Variants in CPNE4 observed in about 807,000 individuals in gnomAD.
The protein encoded by CPNE4 is copine 4, also known as copine-4.
A neutral mutation model predicts 67.9 loss-of-function variants in CPNE4; 25 were observed. The ratio of observed to expected loss-of-function variants is 0.37; its 90% CI spans 0.27 to 0.51. The LOEUF (loss-of-function observed/expected upper bound fraction) is 0.51. Among genes scored for constraint, CPNE4 ranks in the 20% least tolerant of loss-of-function variants. The pLI is 0.93. For synonymous variants in CPNE4, 242 were observed against 244.9 expected, an observed-to-expected ratio of 0.99 and a Z score of 0.11; for missense variants, 464 against 690.8, an observed-to-expected ratio of 0.67 and a Z score of 3.68.
At chr3:131,680,524 A>G (rs748367411) in intron 6 of CPNE4, among the ~76,000 whole-genome samples, 1 of 151,702 alleles carries the variant, frequency 6.6e-6, no homozygotes, top group South Asian at 2.1e-4. Context: ...TATTTTAATG[A>G]CTCTGTCTTG....
chr3:131,945,783 G>C (rs1036973266), intron 1 of CPNE4, among the ~76,000 whole-genome samples: 2 of 152,128 alleles, frequency 1.3e-5, no homozygotes, highest in Admixed American at 6.5e-5. Flanking sequence ...CACACACATA[G>C]AGAATATGAT....
intron 2 of CPNE4, among the ~76,000 whole-genome samples, chr3:131,852,832 GTTT>G (rs2086288391): frequency 6.6e-6 from 1 of 151,262 alleles, no homozygotes; most frequent in African/African-American, 2.4e-5. Flanking sequence ...TTGTATTTTT[GTTT>G]TTAATAATAA....
chr3:131,960,276 T>G (rs1210828565), intron 1 of CPNE4, among the ~76,000 whole-genome samples: 16 of 152,214 alleles, frequency 1.1e-4, no homozygotes, highest in Non-Finnish European at 2.2e-4. Flanking sequence ...TACTTTTCAA[T>G]CCACAGTTAA....
chr3:131,870,835 AGC>A (rs1463295548), intron 2 of CPNE4, among the ~76,000 whole-genome samples: 1 of 152,204 alleles, frequency 6.6e-6, no homozygotes, highest in Non-Finnish European at 1.5e-5. Flanking sequence ...ACGCACATAG[AGC>A]CACTGTCTGG....
At chr3:131,954,798 G>A (rs749328102) in intron 1 of CPNE4, among the ~76,000 whole-genome samples, 17 of 151,944 alleles carry the variant, frequency 1.1e-4, no homozygotes, top group African/African-American at 2.4e-4. Context: ...TTCCAGCTTC[G>A]TCCATGTCCC....
chr3:131,546,242 G>C (rs1935828927), intron 14 of CPNE4, among the ~76,000 whole-genome samples: 1 of 152,160 alleles, frequency 6.6e-6, no homozygotes, highest in East Asian at 1.9e-4. Context: ...AAAGGCACTA[G>C]GCTGTAGACT....
At chr3:132,000,159 A>G (rs553398912) in intron 1 of CPNE4, among the ~76,000 whole-genome samples, 1 of 152,102 alleles carries the variant, frequency 6.6e-6, no homozygotes, top group Admixed American at 6.6e-5. Flanking sequence ...ACAAGATAGG[A>G]TAGATAAAAA....
chr3:131,764,243 A>G (rs1045244621), intron 2 of CPNE4, among the ~76,000 whole-genome samples: 3 of 151,440 alleles, frequency 2.0e-5, no homozygotes, highest in Admixed American at 6.6e-5. Context: ...AGCAGGTTAT[A>G]AAATAGGATG....
chr3:131,905,259 C>G lies in CPNE4; in HGVS notation c.180+5G>C, dbSNP rs757359966. ...GGTTCTGTCCATTTCATTGGACATGCCTACCTCAAACCACTGCCCATGAGA... is the reference window on the plus strand; with the variant it reads ...GGTTCTGTCCATTTCATTGGACATGGCTACCTCAAACCACTGCCCATGAGA... On this transcript the variant is annotated splice_donor_5th_base_variant and intron_variant, in intron 2 of 15. Coordinates refer to ENST00000429747, the MANE Select transcript of CPNE4 (RefSeq NM_130808.3). The G allele has an allele frequency of 2.5e-6, 4 of 1,609,594 alleles. No homozygotes were observed. The highest frequency in any genetic ancestry group is 1.1e-5 in the South Asian group (1 of 90,472).
chr3:131,640,032 A>G (rs780238834), intron 7 of CPNE4, among the ~76,000 whole-genome samples: 1 of 152,202 alleles, frequency 6.6e-6, no homozygotes. Flanking sequence ...GCCATCTATG[A>G]CAAATCCACA....
At chr3:131,952,605 T>TC (rs1208540935) in intron 1 of CPNE4, among the ~76,000 whole-genome samples, 1 of 53,184 alleles carries the variant, frequency 1.9e-5, no homozygotes, top group African/African-American at 7.6e-5. Context: ...AGCCGCCCCG[T>TC]CCGGAGGGAG....
At chr3:131,867,548 A>G (rs1029111678) in intron 2 of CPNE4, among the ~76,000 whole-genome samples, 5 of 152,102 alleles carry the variant, frequency 3.3e-5, no homozygotes, top group South Asian at 2.1e-4. Flanking sequence ...TGAGAGGTCA[A>G]TTCGTCCAGC....
At chr3:131,760,929 A>T (rs1034598957) in intron 2 of CPNE4, among the ~76,000 whole-genome samples, 4 of 152,138 alleles carry the variant, frequency 2.6e-5, no homozygotes, top group Admixed American at 2.0e-4. Context: ...AGAGAAGAAG[A>T]TTCAAGGAGA....
intron 1 of CPNE4, among the ~76,000 whole-genome samples, chr3:132,028,584 T>C (rs2074167289): frequency 6.6e-6 from 1 of 152,160 alleles, no homozygotes; most frequent in Non-Finnish European, 1.5e-5. Flanking sequence ...TGATAGCAAA[T>C]AACAATCACA....
In CPNE4 at chr3:132,022,711, T is replaced by C. The variant is rs570120858; in HGVS notation, c.-2+11856A>G. On this transcript the variant is annotated intron_variant, in intron 1 of 15. Transcript: ENST00000429747. ...GTTTGGTGGTGAGTTGTGCCTGATG[T>C]CAAACATCTGGATAAAAATTTTAAA... 3.3e-5 allele frequency among the ~76,000 whole-genome samples: 5 copies of C among 152,276 alleles called. No homozygotes were observed. In the South Asian group the frequency reaches 8.3e-4, roughly 25 times the overall value.
intron 1 of CPNE4, among the ~76,000 whole-genome samples, chr3:131,917,398 T>G (rs1392588060): frequency 6.6e-6 from 1 of 152,160 alleles, no homozygotes; most frequent in Non-Finnish European, 1.5e-5. Context: ...GAGGACATGT[T>G]GGAAGATACA....
At chr3:131,816,091 G>A (rs2084729107) in intron 2 of CPNE4, among the ~76,000 whole-genome samples, 1 of 152,162 alleles carries the variant, frequency 6.6e-6, no homozygotes, top group Non-Finnish European at 1.5e-5. Flanking sequence ...TCAGCTGTTA[G>A]ATTTCTCTGT....
At chr3:131,689,895 C>T (rs902841023) in intron 5 of CPNE4, among the ~76,000 whole-genome samples, 1 of 152,058 alleles carries the variant, frequency 6.6e-6, no homozygotes, top group Non-Finnish European at 1.5e-5. Context: ...AAATCAGTAG[C>T]ATTTCTATAC....
intron 1 of CPNE4, among the ~76,000 whole-genome samples, chr3:131,920,815 T>G (rs1207932312): frequency 1.3e-5 from 2 of 152,194 alleles, no homozygotes. Flanking sequence ...CAAATGTTCA[T>G]GGGTGTAAGA....
Sources: allele counts gnomAD v4.1 joint callset (sites outside exome capture counted in the v4.1 genomes callset), GRCh38; gene constraint gnomAD v4.1.1; transcripts MANE v1.5; gene names NCBI Gene and HGNC (gene_info 2026-07-23, HGNC 2026-07-21).